The following GRIK1 variants were observed in gnomAD, a reference collection of about 807,000 sequenced individuals.
GRIK1 encodes glutamate receptor ionotropic, kainate 1.
GRIK1 carries 69 observed loss-of-function variants against 105.7 expected under a neutral mutation model. The ratio of observed to expected loss-of-function variants is 0.65; its 90% CI spans 0.54 to 0.80. The LOEUF (loss-of-function observed/expected upper bound fraction) is 0.80. Among genes scored for constraint, GRIK1 ranks in the 30% least tolerant of loss-of-function variants. The pLI, the probability that GRIK1 is intolerant of heterozygous loss-of-function variation, is 0.00. For synonymous variants in GRIK1, 438 were observed against 431.3 expected, an observed-to-expected ratio of 1.02 and a Z score of -0.19; for missense variants, 1,109 against 1,167.3, an observed-to-expected ratio of 0.95 and a Z score of 0.73.
chr21:29,903,952 G>T (rs55707836), intron 1 of GRIK1, among the ~76,000 whole-genome samples: 2,001 of 152,236 alleles, frequency 0.013, 50 homozygotes, highest in African/African-American at 0.046. Flanking sequence ...CCATAAAAAA[G>T]GATGAGTTCA....
chr21:29,680,692 C>G (rs2063355039), intron 3 of GRIK1, among the ~76,000 whole-genome samples: 1 of 152,264 alleles, frequency 6.6e-6, no homozygotes, highest in African/African-American at 2.4e-5. Flanking sequence ...CCATCCTGCT[C>G]TGTCCACATG....
chr21:29,584,764 C>G, intron 12 of GRIK1, among the ~76,000 whole-genome samples: 1 of 152,126 alleles, frequency 6.6e-6, no homozygotes, highest in East Asian at 1.9e-4. Context: ...GTCCACTTCC[C>G]TAACTTGGAA....
chr21:29,599,819 G>T (rs565539768), intron 7 of GRIK1, among the ~76,000 whole-genome samples: 7 of 151,042 alleles, frequency 4.6e-5, no homozygotes, highest in African/African-American at 1.5e-4. Context: ...AAACAAAAAG[G>T]GTCGGGCGCA....
chr21:29,800,525 T>C (rs1299491204), intron 1 of GRIK1, among the ~76,000 whole-genome samples: 2 of 152,236 alleles, frequency 1.3e-5, no homozygotes, highest in Non-Finnish European at 2.9e-5. Flanking sequence ...AAAAAGGGAA[T>C]GTGTTCTTAA....
At chr21:29,555,338 A>G in intron 15 of GRIK1, 36 bp from the exon 16 acceptor site, 1 of 1,588,572 alleles carries the variant, frequency 6.3e-7, no homozygotes, top group Non-Finnish European at 8.6e-7. Context: ...GGTCACCAAA[A>G]TGTTGAAGAA....
intron 1 of GRIK1, among the ~76,000 whole-genome samples, chr21:29,779,134 T>C (rs2066022238): frequency 6.6e-6 from 1 of 152,258 alleles, no homozygotes; most frequent in African/African-American, 2.4e-5. Flanking sequence ...AGAAATGTTC[T>C]GTTTTTCTAA....
chr21:29,785,366 T>C (rs1004030753), intron 1 of GRIK1, among the ~76,000 whole-genome samples: 1 of 151,960 alleles, frequency 6.6e-6, no homozygotes, highest in Non-Finnish European at 1.5e-5. Flanking sequence ...ATTTTTGAGC[T>C]AGCCTGGCCA....
chr21:29,934,831 C>G (rs1743874617), intron 1 of GRIK1, among the ~76,000 whole-genome samples: 1 of 151,886 alleles, frequency 6.6e-6, no homozygotes, highest in African/African-American at 2.4e-5. Context: ...AACATTAGGC[C>G]CATAAAATCA....
intron 1 of GRIK1, among the ~76,000 whole-genome samples, chr21:29,887,334 C>T (rs1363797001): frequency 6.6e-6 from 1 of 152,146 alleles, no homozygotes; most frequent in Non-Finnish European, 1.5e-5. Flanking sequence ...TCTAACCTAA[C>T]AATCCAGGTC....
At chr21:29,812,445 C>CT (rs1298304757) in intron 1 of GRIK1, among the ~76,000 whole-genome samples, 1 of 152,076 alleles carries the variant, frequency 6.6e-6, no homozygotes, top group Non-Finnish European at 1.5e-5. Flanking sequence ...GCCATTTGTT[C>CT]TTTTTTTAAA....
chr21:29,537,337 T>A lies in GRIK1; in HGVS notation c.2743A>T (p.Asn915Tyr). 1.9e-6 allele frequency: 3 copies of A among 1,611,620 alleles called. No homozygotes were observed. Among genetic ancestry groups the A allele is most frequent in the Non-Finnish European group, 2.5e-6 (3 of 1,178,252 alleles). Reference sequence around the variant, plus strand: ...GACTTTTTCTTTATTTTTTTCTGATTCTTCAGTGAGATTCCCAGTTCTTCC... The same window carrying A: ...GACTTTTTCTTTATTTTTTTCTGATACTTCAGTGAGATTCCCAGTTCTTCC... ...IMEELGISLK[N>Y]QKKIKKKSRT... Residue 915 changes from asparagine to tyrosine, a missense_variant, in exon 18 of 18, where the codon AAT (asparagine) becomes TAT (tyrosine). Physicochemically the swap from Asn to Tyr is moderately radical, Grantham distance 143. Around this residue, in one of 5 missense-constraint regions of GRIK1, gnomAD observed 161 missense variants for 143.4 expected, o/e 1.12. Transcript: ENST00000327783.
intron 14 of GRIK1, among the ~76,000 whole-genome samples, chr21:29,573,048 C>A (rs2090792178): frequency 6.6e-6 from 1 of 152,154 alleles, no homozygotes; most frequent in Non-Finnish European, 1.5e-5. Flanking sequence ...GCTGGGATTG[C>A]AGGTGTGAGC....
At chr21:29,777,272 A>G (rs1469406216) in intron 1 of GRIK1, among the ~76,000 whole-genome samples, 2 of 152,192 alleles carry the variant, frequency 1.3e-5, no homozygotes, top group South Asian at 2.1e-4. Context: ...TTGCTAAAAC[A>G]TACACTTTAG....
chr21:29,577,092 C>T lies in GRIK1; in HGVS notation c.2002G>A (p.Ala668Thr). 1 of 1,612,070 alleles carries T rather than the reference C, an allele frequency of 6.2e-7. No individual in the cohort carries two copies. The highest frequency in any genetic ancestry group is 8.5e-7 in the Non-Finnish European group (1 of 1,178,226). ...FTLIIISSYT[A>T]NLAAFLTVER... ...ACTGTCAAGAAGGCAGCCAGATTGG[C>T]CGTGTAGGATGAAATGATGATTAGG... Residue 668 changes from alanine (A) to threonine (T), a missense_variant, in exon 14 of 18, where the codon GCC becomes ACC. Physicochemically the swap from Ala to Thr is moderately conservative, Grantham distance 58. Transcript: ENST00000327783.
At chr21:29,626,356 G>T (rs764017889) in intron 7 of GRIK1, among the ~76,000 whole-genome samples, 16 of 152,158 alleles carry the variant, frequency 1.1e-4, no homozygotes, top group Admixed American at 9.8e-4. Flanking sequence ...ACCACTTAAC[G>T]CTGTTGCATT....
rs147856453 is a variant in GRIK1 at position 29,648,045 on chromosome 21, A to G, written c.954+3073T>C. 1.2e-3 allele frequency among the ~76,000 whole-genome samples: 186 copies of G among 152,310 alleles called. 5 individuals are homozygous for G. The East Asian group carries it at 0.029, about 24-fold the overall frequency. ...TATTTTCAGGTTTGAATGTTTTGATATAATCATATTTTTGAGGATTTTTAG... is the reference window on the plus strand; with the variant it reads ...TATTTTCAGGTTTGAATGTTTTGATGTAATCATATTTTTGAGGATTTTTAG... On this transcript the variant is annotated intron_variant, in intron 6 of 17. Transcript: ENST00000327783.
intron 1 of GRIK1, among the ~76,000 whole-genome samples, chr21:29,826,898 C>G (rs1440176373): frequency 2.6e-5 from 4 of 151,998 alleles, no homozygotes; most frequent in Non-Finnish European, 5.9e-5. Flanking sequence ...TATTATAAAC[C>G]TAAGCAACAA....
chr21:29,824,942 A>T (rs941809968), intron 1 of GRIK1, among the ~76,000 whole-genome samples: 6 of 152,020 alleles, frequency 3.9e-5, no homozygotes, highest in Non-Finnish European at 1.5e-5. Context: ...GACTTGAGTG[A>T]TGTTGATGGT....
intron 1 of GRIK1, among the ~76,000 whole-genome samples, chr21:29,741,832 G>C (rs1033448124): frequency 6.6e-6 from 1 of 152,166 alleles, no homozygotes; most frequent in Non-Finnish European, 1.5e-5. Flanking sequence ...ATTGATTGCC[G>C]TTGTTTCATT....
Sources: allele counts gnomAD v4.1 joint callset (sites outside exome capture counted in the v4.1 genomes callset), GRCh38; gene constraint gnomAD v4.1.1; regional missense constraint gnomAD v4.1.1; transcripts MANE v1.5; gene names NCBI Gene and HGNC (gene_info 2026-07-23, HGNC 2026-07-21).